Variants in DCDC2C observed in about 807,000 individuals in gnomAD.
The protein encoded by DCDC2C is doublecortin domain containing 2C, also known as doublecortin domain-containing protein 2C.
A neutral mutation model predicts 45.0 loss-of-function variants in DCDC2C; 44 were observed. The ratio of observed to expected loss-of-function variants is 0.98; its 90% CI spans 0.77 to 1.26. The LOEUF is 1.26. Among genes scored for constraint, DCDC2C ranks in the 50% most tolerant of loss-of-function variants. DCDC2C has a pLI of 0.00. For missense variants in DCDC2C, 447 were observed against 468.9 expected, an observed-to-expected ratio of 0.95 and a Z score of 0.43; for synonymous variants, 187 against 178.8, an observed-to-expected ratio of 1.05 and a Z score of -0.37.
chr2:3,775,923 G>C (rs1670317935), intron 8 of DCDC2C, among the ~76,000 whole-genome samples: 1 of 123,690 alleles, frequency 8.1e-6, no homozygotes, highest in Non-Finnish European at 1.8e-5. Context: ...CTAGGCAGCT[G>C]TGGCTCTGAG....
At chr2:3,718,616 A>G (rs1037048094) in intron 2 of DCDC2C, among the ~76,000 whole-genome samples, 13 of 152,168 alleles carry the variant, frequency 8.5e-5, no homozygotes, top group Admixed American at 7.9e-4. Flanking sequence ...GGGGCAGCAT[A>G]CAAAAGATGG....
intron 2 of DCDC2C, among the ~76,000 whole-genome samples, chr2:3,713,849 A>G (rs1668282442): frequency 1.3e-5 from 2 of 152,238 alleles, no homozygotes; most frequent in East Asian, 1.9e-4. Flanking sequence ...CAAGAGCTCA[A>G]TAAGTAGTTA....
intron 10 of DCDC2C, among the ~76,000 whole-genome samples, chr2:3,799,016 T>C (rs1671039120): frequency 6.6e-6 from 1 of 152,212 alleles, no homozygotes; most frequent in South Asian, 2.1e-4. Context: ...ACCAATCAGA[T>C]GTAGATTTGG....
Position 3,734,130 on chromosome 2 carries a change from C to A in DCDC2C, c.416+7051C>A, listed in dbSNP as rs903669159. Among the ~76,000 whole-genome samples the A allele has an allele frequency of 2.6e-5, 4 of 152,242 alleles. No individual in the cohort carries two copies. Among genetic ancestry groups the A allele is most frequent in the Non-Finnish European group, 5.9e-5 (4 of 68,042 alleles). On this transcript the variant is annotated intron_variant, in intron 3 of 10. Coordinates refer to ENST00000399143, the MANE Select transcript of DCDC2C (RefSeq NM_001287444.2). This position sits in a 1 kb window ranked among gnomAD's most constrained non-coding sequence, Gnocchi z 4.2. ...GTAAATCCCCCATTTCCGTGGCACA[C>A]CAACATCACGTACTGCCCCAAAGGC...
intron 10 of DCDC2C, among the ~76,000 whole-genome samples, chr2:3,788,130 C>G (rs543902584): frequency 7.9e-5 from 12 of 152,230 alleles, no homozygotes; most frequent in Non-Finnish European, 1.5e-4. Context: ...ATTTTTTCTT[C>G]TGAACAAATA....
intron 4 of DCDC2C, among the ~76,000 whole-genome samples, chr2:3,742,390 T>G (rs1326819593): frequency 6.6e-6 from 1 of 152,176 alleles, no homozygotes; most frequent in Admixed American, 6.5e-5. Flanking sequence ...GCCTCTCAGT[T>G]GGTCTGGAGG....
chr2:3,842,540 G>A (rs979388051), intron 10 of DCDC2C, among the ~76,000 whole-genome samples: 2 of 151,400 alleles, frequency 1.3e-5, no homozygotes, highest in African/African-American at 4.9e-5. Flanking sequence ...AAAAGTGAAT[G>A]TGCCTGAGGA....
At chr2:3,746,762 T>C (rs1179739274) in intron 4 of DCDC2C, among the ~76,000 whole-genome samples, 1 of 152,190 alleles carries the variant, frequency 6.6e-6, no homozygotes, top group African/African-American at 2.4e-5. Flanking sequence ...TCAGAGGCAG[T>C]GCTGGGGCTG....
chr2:3,747,439 T>C (rs1221080978), intron 4 of DCDC2C, among the ~76,000 whole-genome samples: 1 of 152,212 alleles, frequency 6.6e-6, no homozygotes, highest in Non-Finnish European at 1.5e-5. Context: ...CCAAAGGCAG[T>C]GAAAGGTCTG....
chr2:3,725,093 G>A (rs886438378), intron 2 of DCDC2C, among the ~76,000 whole-genome samples: 2 of 152,178 alleles, frequency 1.3e-5, no homozygotes, highest in African/African-American at 4.8e-5. Flanking sequence ...TCTGGGGGAT[G>A]GGGTGCAGGT....
chr2:3,742,787 A>G (rs988651616), intron 4 of DCDC2C, among the ~76,000 whole-genome samples: 2 of 152,238 alleles, frequency 1.3e-5, no homozygotes, highest in African/African-American at 2.4e-5. Context: ...CACTGTCATC[A>G]TAGGAAATTC....
chr2:3,737,236 C>T (rs1053173239), intron 3 of DCDC2C, among the ~76,000 whole-genome samples: 6 of 152,172 alleles, frequency 3.9e-5, no homozygotes, highest in Admixed American at 1.3e-4. Flanking sequence ...GAATCAGCCC[C>T]GAAGACCATG....
At chr2:3,843,076 T>C (rs1398064080) in intron 10 of DCDC2C, among the ~76,000 whole-genome samples, 1 of 152,168 alleles carries the variant, frequency 6.6e-6, no homozygotes, top group Non-Finnish European at 1.5e-5. Flanking sequence ...AGGGAGATGA[T>C]GTGATCAAAT....
At chr2:3,766,534 G>A (rs890114863) in intron 6 of DCDC2C, among the ~76,000 whole-genome samples, 1 of 152,096 alleles carries the variant, frequency 6.6e-6, no homozygotes, top group African/African-American at 2.4e-5. Flanking sequence ...CAGCTCGTAG[G>A]AAAACTCCTT....
At chr2:3,766,705 TAGAG>T (rs1670022228) in intron 6 of DCDC2C, among the ~76,000 whole-genome samples, 1 of 152,168 alleles carries the variant, frequency 6.6e-6, no homozygotes. Context: ...TTAAGTGACA[TAGAG>T]AGCTCGAGAG....
intron 10 of DCDC2C, among the ~76,000 whole-genome samples, chr2:3,797,146 T>A (rs1028460001): frequency 4.6e-5 from 7 of 152,236 alleles, no homozygotes; most frequent in Non-Finnish European, 7.3e-5. Context: ...GATTTTCTAG[T>A]TTATTTGCGT....
intron 10 of DCDC2C, among the ~76,000 whole-genome samples, chr2:3,804,453 C>T (rs891431648): frequency 2.0e-5 from 3 of 152,158 alleles, no homozygotes; most frequent in Non-Finnish European, 4.4e-5. Flanking sequence ...AGATGACAGT[C>T]AATTCATAAA....
chr2:3,747,871 A>G (rs1669420451), intron 4 of DCDC2C, among the ~76,000 whole-genome samples: 1 of 152,210 alleles, frequency 6.6e-6, no homozygotes, highest in Non-Finnish European at 1.5e-5. Context: ...CAGGGGTGGC[A>G]CAGAGGAATG....
At chr2:3,772,228 A>G (rs944346591) in intron 8 of DCDC2C, among the ~76,000 whole-genome samples, 1 of 152,234 alleles carries the variant, frequency 6.6e-6, no homozygotes, top group Admixed American at 6.5e-5. Context: ...TGACACTAAC[A>G]GCACAGCATC....
Sources: allele counts gnomAD v4.1 joint callset (sites outside exome capture counted in the v4.1 genomes callset), GRCh38; gene constraint gnomAD v4.1.1; non-coding constraint Gnocchi (gnomAD v3.1); transcripts MANE v1.5; gene names NCBI Gene and HGNC (gene_info 2026-07-23, HGNC 2026-07-21).